The following LRRC63 variants were observed in gnomAD, a reference collection of about 807,000 sequenced individuals.
The protein encoded by LRRC63 is leucine-rich repeat-containing protein 63.
LRRC63 carries 40 observed loss-of-function variants against 49.5 expected under a neutral mutation model. The ratio of observed to expected loss-of-function variants is 0.81; its 90% CI spans 0.63 to 1.05. The LOEUF (loss-of-function observed/expected upper bound fraction) is 1.05, where lower values mean the gene tolerates loss of function less well. Among genes scored for constraint, LRRC63 ranks in the 50% least tolerant of loss-of-function variants. The probability of loss-of-function intolerance (pLI) is 0.00; values close to 1 mark genes in which losing one functional copy is unlikely to be tolerated. For synonymous variants in LRRC63, 191 were observed against 221.1 expected, an observed-to-expected ratio of 0.86 and a Z score of 1.21; for missense variants, 636 against 663.1, an observed-to-expected ratio of 0.96 and a Z score of 0.45.
rs534456472 is a variant in LRRC63, at chr13:46,227,457, G to T, written c.86-55G>T. 305 of 1,165,604 alleles carry T rather than the reference G, an allele frequency of 2.6e-4. 2 individuals carry two copies. Among genetic ancestry groups the T allele is most frequent in the Non-Finnish European group, 9.9e-5 (85 of 857,290 alleles). The allele number at this position is 1,165,604 out of a possible 1,614,324, so 72.2% of individuals were successfully genotyped here. A position where few individuals can be genotyped will look rare whatever the true frequency, so the allele number is the denominator to read the frequency against. On this transcript the variant is annotated intron_variant, in intron 2 of 9. Coordinates refer to ENST00000595396, the Ensembl canonical transcript of LRRC63. ...AGAAAAGTGAATGCTAAGATATTTT[G>T]TCTGTGACATATTGATAAATATAAT...
chr13:46,254,973 A>G (rs2047471854), intron 7 of LRRC63, among the ~76,000 whole-genome samples: 1 of 152,212 alleles, frequency 6.6e-6, no homozygotes, highest in African/African-American at 2.4e-5. Flanking sequence ...TGGAAAACCT[A>G]ATTGTTTTTA....
intron 4 of LRRC63, among the ~76,000 whole-genome samples, chr13:46,229,499 A>G (rs2046681200): frequency 6.6e-6 from 1 of 152,176 alleles, no homozygotes; most frequent in African/African-American, 2.4e-5. Context: ...GGGAGAATGG[A>G]TTACAAGTAG....
At chr13:46,260,850 G>A (rs2047603166) in intron 7 of LRRC63, among the ~76,000 whole-genome samples, 3 of 152,186 alleles carry the variant, frequency 2.0e-5, no homozygotes, top group African/African-American at 7.2e-5. Context: ...ACCAGATCAT[G>A]AGGACCTTTA....
chr13:46,243,638 T>G (rs1352505195), intron 5 of LRRC63, among the ~76,000 whole-genome samples: 2 of 152,038 alleles, frequency 1.3e-5, no homozygotes, highest in Non-Finnish European at 1.5e-5. Flanking sequence ...AAACTTTAAG[T>G]CAAGAATGGT....
chr13:46,248,440 C>T (rs1322234625), intron 6 of LRRC63, among the ~76,000 whole-genome samples: 12 of 151,624 alleles, frequency 7.9e-5, no homozygotes, highest in Non-Finnish European at 3.0e-5. Flanking sequence ...AGGTTGAAGC[C>T]AAAAGCATGA....
chr13:46,229,782 AATACCTG>A (rs2046691343), intron 4 of LRRC63, among the ~76,000 whole-genome samples: 1 of 152,174 alleles, frequency 6.6e-6, no homozygotes, highest in South Asian at 2.1e-4. Context: ...GCTATAAAGA[AATACCTG>A]AGACTGGATA....
At chr13:46,245,701 A>G (rs1359187097) in intron 5 of LRRC63, among the ~76,000 whole-genome samples, 1 of 152,216 alleles carries the variant, frequency 6.6e-6, no homozygotes, top group Admixed American at 6.5e-5. Flanking sequence ...TGAAGACAGT[A>G]CAGAAATTGG....
chr13:46,274,291 G>A (rs2047801259), intron 9 of LRRC63, among the ~76,000 whole-genome samples: 1 of 152,146 alleles, frequency 6.6e-6, no homozygotes, highest in South Asian at 2.1e-4. Flanking sequence ...AAAGATGACT[G>A]TGACATTAGT....
intron 4 of LRRC63, among the ~76,000 whole-genome samples, chr13:46,230,016 A>G (rs181360214): frequency 4.6e-5 from 7 of 152,186 alleles, no homozygotes; most frequent in Admixed American, 4.6e-4. Context: ...ATCTTATAAG[A>G]ACTCACTATC....
intron 7 of LRRC63, among the ~76,000 whole-genome samples, chr13:46,260,321 G>A (rs1244650373): frequency 6.6e-6 from 1 of 152,184 alleles, no homozygotes; most frequent in African/African-American, 2.4e-5. Flanking sequence ...TTACAGAGAT[G>A]ATAAGAAGTC....
intron 4 of LRRC63, among the ~76,000 whole-genome samples, chr13:46,233,333 C>T (rs1463318955): frequency 1.3e-5 from 2 of 152,148 alleles, no homozygotes; most frequent in African/African-American, 2.4e-5. Context: ...CTCTATATTA[C>T]ATTATATATC....
intron 9 of LRRC63, among the ~76,000 whole-genome samples, chr13:46,267,531 G>T (rs546952386): frequency 6.6e-6 from 1 of 152,190 alleles, no homozygotes; most frequent in Non-Finnish European, 1.5e-5. Context: ...GACCATCAGT[G>T]CTTAGGTTAT....
chr13:46,244,941 A>G (rs1485612666), intron 5 of LRRC63, among the ~76,000 whole-genome samples: 1 of 152,194 alleles, frequency 6.6e-6, no homozygotes, highest in African/African-American at 2.4e-5. Context: ...ATGAAGAACC[A>G]CTCAATTATT....
chr13:46,222,577 A>T (rs1028503550), intron 2 of LRRC63, among the ~76,000 whole-genome samples: 2 of 152,094 alleles, frequency 1.3e-5, no homozygotes, highest in African/African-American at 2.4e-5. Flanking sequence ...GCTGGAGAGG[A>T]TGTGGAGAAA....
intron 7 of LRRC63, among the ~76,000 whole-genome samples, chr13:46,259,541 C>A (rs2047581577): frequency 6.6e-6 from 1 of 152,112 alleles, no homozygotes. Context: ...GAAAGAGAAA[C>A]TATTTGGAAC....
At chr13:46,273,455 A>G (rs984119571) in intron 9 of LRRC63, among the ~76,000 whole-genome samples, 1 of 151,928 alleles carries the variant, frequency 6.6e-6, no homozygotes, top group Admixed American at 6.6e-5. Context: ...ACAAAAAATT[A>G]GCGGGGCGTG....
chr13:46,212,925 A>G (rs2138327690), intron 1 of LRRC63, 77 bp from the exon 2 acceptor site: 1 of 716,878 alleles, frequency 1.4e-6, no homozygotes, highest in South Asian at 1.9e-5. Flanking sequence ...ATTTTCTTTA[A>G]GATGTAATCT....
At chr13:46,276,467 C>A in intron 9 of LRRC63, 123 bp from the exon 10 acceptor site, 1 of 420,468 alleles carries the variant, frequency 2.4e-6, no homozygotes, top group Non-Finnish European at 4.0e-6. Flanking sequence ...ATGGGTAGCA[C>A]TCACCTAGCT....
intron 2 of LRRC63, among the ~76,000 whole-genome samples, chr13:46,221,962 G>A: frequency 6.6e-6 from 1 of 152,204 alleles, no homozygotes. Context: ...ACAGTGAACA[G>A]CTGATGAGAA....
Sources: allele counts gnomAD v4.1 joint callset (sites outside exome capture counted in the v4.1 genomes callset), GRCh38; gene constraint gnomAD v4.1.1; transcripts MANE v1.5; gene names NCBI Gene and HGNC (gene_info 2026-07-23, HGNC 2026-07-21).